The following NEMF variants were observed in gnomAD, a reference collection of about 807,000 sequenced individuals.
The protein encoded by NEMF is nuclear export mediator factor.
NEMF carries 89 observed loss-of-function variants against 162.2 expected under a neutral mutation model. The observed-to-expected ratio is 0.55, with a 90% CI of 0.46 to 0.65. The LOEUF (loss-of-function observed/expected upper bound fraction) is 0.65. NEMF is among the 30% of genes least tolerant of loss of function. NEMF has a pLI of 0.00. For missense variants in NEMF, 1,133 were observed against 1,261.9 expected (o/e 0.90, Z 1.55); for synonymous variants, 421 against 404.5 (o/e 1.04, Z -0.49).
chr14:49,786,755 T>C lies in NEMF; in HGVS notation c.2896-5A>G. 1.9e-6 allele frequency: 3 copies of C among 1,612,208 alleles called. No individual in the cohort carries two copies. Among genetic ancestry groups the C allele is most frequent in the Non-Finnish European group, 2.5e-6 (3 of 1,178,796 alleles). Reference sequence around the variant, plus strand: ...TTGATCCAGATCTTGCTCTTCCTGTTCCGAACATATAAAAATAAAAATGTC... The same window carrying C: ...TTGATCCAGATCTTGCTCTTCCTGTCCCGAACATATAAAAATAAAAATGTC... On this transcript the variant is annotated splice_region_variant and splice_polypyrimidine_tract_variant and intron_variant, in intron 28 of 32. Coordinates refer to ENST00000298310, the MANE Select transcript of NEMF (RefSeq NM_004713.6).
At chr14:49,840,897 C>T (rs999664356) in intron 4 of NEMF, 31 bp from the exon 5 acceptor site, 23 of 1,593,982 alleles carry the variant, frequency 1.4e-5, no homozygotes, top group Non-Finnish European at 1.9e-5. Flanking sequence ...ATTTAGCGCT[C>T]TTTCAAATAA....
At chr14:49,848,249 C>T (rs956154030) in intron 3 of NEMF, among the ~76,000 whole-genome samples, 13 of 152,030 alleles carry the variant, frequency 8.6e-5, no homozygotes, top group Non-Finnish European at 1.6e-4. Context: ...TATTTCAATC[C>T]AATGTAATAA....
At chr14:49,789,023 C>A in intron 28 of NEMF, 123 bp downstream of exon 28, 1 of 738,368 alleles carries the variant, frequency 1.4e-6, no homozygotes, top group Non-Finnish European at 2.3e-6. Flanking sequence ...TTCTGGATGA[C>A]ATTCCATTAA....
Position 49,828,899 on chromosome 14 carries a change from A to G in NEMF, c.1233-92T>C, listed in dbSNP as rs2290584. On this transcript the variant is annotated intron_variant, in intron 13 of 32. Transcript: ENST00000298310. ...TTCAATAAAATTATAAATGGTTTAC[A>G]GTACTGGAAGTTTCATTATTTATTT... 2.4e-3 allele frequency: 3,021 copies of G among 1,270,326 alleles called. 102 individuals are homozygous for G. In the East Asian group the frequency reaches 0.069, roughly 29 times the overall value. The allele number at this position is 1,270,326 out of a possible 1,614,324, so 78.7% of individuals were successfully genotyped here. A position where few individuals can be genotyped will look rare whatever the true frequency, so the allele number is the denominator to read the frequency against.
At chr14:49,814,247 G>A (rs1192289398) in intron 17 of NEMF, among the ~76,000 whole-genome samples, 197 bp from the exon 18 acceptor site, 2 of 151,900 alleles carry the variant, frequency 1.3e-5, no homozygotes, top group Admixed American at 6.6e-5. Flanking sequence ...TTACAGGCGT[G>A]CACCACCACG....
At chr14:49,793,239 TAGA>T (rs1890537932) in intron 26 of NEMF, among the ~76,000 whole-genome samples, 1 of 152,120 alleles carries the variant, frequency 6.6e-6, no homozygotes, top group African/African-American at 2.4e-5. Context: ...ATATTAAGAC[TAGA>T]AGAAAAGCCA....
At chr14:49,796,207 A>G (rs1414683815) in intron 25 of NEMF, 1 of 531,842 alleles carries the variant, frequency 1.9e-6, no homozygotes, top group African/African-American at 1.9e-5. Context: ...ATCCTTACTC[A>G]CTAGGCACAT....
At chr14:49,830,778 T>C (rs1042879812) in intron 11 of NEMF, among the ~76,000 whole-genome samples, 3 of 152,274 alleles carry the variant, frequency 2.0e-5, no homozygotes, top group Admixed American at 6.5e-5. Flanking sequence ...TAACAATTTA[T>C]GAAACTGTTC....
At chr14:49,790,147 A>AT (rs1171873204) in intron 26 of NEMF, among the ~76,000 whole-genome samples, 1 of 152,182 alleles carries the variant, frequency 6.6e-6, no homozygotes, top group African/African-American at 2.4e-5. Context: ...AAAATTGTAA[A>AT]TTTGTGTCCC....
chr14:49,840,666 C>A, intron 5 of NEMF, 52 bp downstream of exon 5: 1 of 1,515,794 alleles, frequency 6.6e-7, no homozygotes, highest in Non-Finnish European at 9.0e-7. Flanking sequence ...CATTATGTTG[C>A]CCAGTACATT....
At chr14:49,843,213 A>G (rs778376392) in intron 4 of NEMF, among the ~76,000 whole-genome samples, 15 of 151,622 alleles carry the variant, frequency 9.9e-5, no homozygotes, top group Non-Finnish European at 1.8e-4. Context: ...TGAATAAAAG[A>G]GCCAGGCGTG....
intron 19 of NEMF, among the ~76,000 whole-genome samples, 182 bp from the exon 20 acceptor site, chr14:49,803,476 T>C (rs1285321087): frequency 6.6e-6 from 1 of 151,928 alleles, no homozygotes; most frequent in Non-Finnish European, 1.5e-5. Context: ...GATAAGCCTT[T>C]GGAAGTAACA....
At chr14:49,838,418 A>G (rs1893013720) in intron 5 of NEMF, among the ~76,000 whole-genome samples, 1 of 152,184 alleles carries the variant, frequency 6.6e-6, no homozygotes, top group South Asian at 2.1e-4. Flanking sequence ...TCTAAGATAA[A>G]CCAGTATTTT....
At chr14:49,819,660 C>T (rs1891897802) in intron 16 of NEMF, among the ~76,000 whole-genome samples, 1 of 152,080 alleles carries the variant, frequency 6.6e-6, no homozygotes, top group African/African-American at 2.4e-5. Context: ...GTTATCTGCC[C>T]GCCTATGGTC....
At position 49,846,218 on chromosome 14, in the gene NEMF, A is replaced by C. The variant is rs202244344; in HGVS notation, c.279T>G (p.Leu93=). ...GAAAATCTACAATTCTATCCACACC[A>C]AGCTGTTTTGCACTGACTAATCTCC... ...KSRRLVSAKQ[L]GVDRIVDFQF... Residue 93 remains leucine, a synonymous_variant, in exon 4 of 33, where the codon CTT becomes CTG. Coordinates refer to ENST00000298310, the MANE Select transcript of NEMF (RefSeq NM_004713.6). 1.2e-5 allele frequency: 20 copies of C among 1,613,700 alleles called. No homozygotes were observed. The highest frequency in any genetic ancestry group is 1.5e-5 in the Non-Finnish European group (18 of 1,179,792).
intron 3 of NEMF, among the ~76,000 whole-genome samples, chr14:49,848,949 AC>A (rs759582655): frequency 1.2e-4 from 19 of 152,080 alleles, no homozygotes; most frequent in South Asian, 4.2e-4. Flanking sequence ...TTGAAAAAAA[AC>A]AACAATAAAC....
At chr14:49,808,917 A>T (rs757878217) in intron 18 of NEMF, among the ~76,000 whole-genome samples, 7 of 152,178 alleles carry the variant, frequency 4.6e-5, no homozygotes, top group Non-Finnish European at 5.9e-5. Context: ...ATATCTAATA[A>T]GCATATGAAA....
Position 49,826,924 on chromosome 14 carries a change from A to T in NEMF, c.1489-969T>A, listed in dbSNP as rs181183450. Among the ~76,000 whole-genome samples the T allele has an allele frequency of 1.7e-4, 26 of 152,334 alleles. 1 individual carries two copies. The East Asian group carries it at 4.6e-3, about 27-fold the overall frequency. On this transcript the variant is annotated intron_variant, in intron 15 of 32. Coordinates refer to ENST00000298310, the MANE Select transcript of NEMF (RefSeq NM_004713.6). ...TTAAATCTCATTTAAGTGGATATGT[A>T]AATGAAGAGAGGGGTCAAACTGAAA...
In NEMF at chr14:49,782,093, T is replaced by C. The variant is rs751612705; in HGVS notation, c.*2543A>G. On this transcript the variant is annotated 3_prime_UTR_variant, in exon 33 of 33. Transcript: ENST00000298310. Reference sequence around the variant, plus strand: ...CATATACTACTCAGCTCCCATACGATTTTTATTGCTAACAAAGACCTAGAG... The same window carrying C: ...CATATACTACTCAGCTCCCATACGACTTTTATTGCTAACAAAGACCTAGAG... 1 of 378,112 alleles carries C rather than the reference T, an allele frequency of 2.6e-6. No homozygotes were observed. The highest frequency in any genetic ancestry group is 4.7e-6 in the Non-Finnish European group (1 of 211,714). The allele number at this position is 378,112 out of a possible 1,614,324, so 23.4% of individuals were successfully genotyped here.
Sources: allele counts gnomAD v4.1 joint callset (sites outside exome capture counted in the v4.1 genomes callset), GRCh38; gene constraint gnomAD v4.1.1; transcripts MANE v1.5; gene names NCBI Gene and HGNC (gene_info 2026-07-23, HGNC 2026-07-21).